The following LYST variants were observed in gnomAD, a reference collection of about 807,000 sequenced individuals.
The protein encoded by LYST is lysosomal trafficking regulator.
LYST carries 192 observed loss-of-function variants against 413.6 expected under a neutral mutation model. The ratio of observed to expected loss-of-function variants is 0.46; its 90% CI spans 0.41 to 0.52. The LOEUF (loss-of-function observed/expected upper bound fraction) is 0.52. Ranked by LOEUF, LYST falls within the 20% of genes least tolerant of loss-of-function variation. The pLI, the probability that LYST is intolerant of heterozygous loss-of-function variation, is 0.00. For missense variants in LYST, 3,815 were observed against 4,499.9 expected (o/e 0.85, Z 4.35); for synonymous variants, 1,525 against 1,567.3 (o/e 0.97, Z 0.64).
intron 22 of LYST, among the ~76,000 whole-genome samples, chr1:235,759,974 T>G (rs1667423120): frequency 6.6e-6 from 1 of 152,148 alleles, no homozygotes; most frequent in Admixed American, 6.6e-5. Context: ...TTTATTAATA[T>G]CTTCCCAAAA....
Position 235,751,888 on chromosome 1 carries a change from C to T in LYST, c.7627+117G>A, listed in dbSNP as rs184498890. ...TTTTAAAAACTGATAGATACTATTA[C>T]AAAATTAATGTTAAACTTTTAGTAA... On this transcript the variant is annotated intron_variant, in intron 27 of 52. Transcript: ENST00000389793. 20 of 808,350 alleles carry T rather than the reference C, an allele frequency of 2.5e-5. No individual in the cohort carries two copies. In the Admixed American group the frequency reaches 3.6e-4, roughly 14 times the overall value. 50.1% of individuals were successfully genotyped at this position (808,350 alleles called of 1,614,324 possible).
At chr1:235,856,154 A>G (rs1441023911) in intron 1 of LYST, among the ~76,000 whole-genome samples, 1 of 152,178 alleles carries the variant, frequency 6.6e-6, no homozygotes, top group African/African-American at 2.4e-5. Context: ...AGTTTCTATC[A>G]CTGTGGTCTA....
chr1:235,806,440 T>C lies in LYST; in HGVS notation c.2696A>G (p.Asn899Ser), dbSNP rs774933834. 4.3e-6 allele frequency: 7 copies of C among 1,614,012 alleles called. No homozygotes were observed. In the East Asian group the frequency reaches 1.3e-4, roughly 31 times the overall value. ...VNQDVHINTINLFLCVAFLCV... is the reference protein window; with the variant it reads ...VNQDVHINTISLFLCVAFLCV... ...TAAAAAAGCCACACAGAGGAATAGG[T>C]TTATTGTGTTGATATGAACATCTTG... The change falls in exon 6 of 53, where the codon AAC becomes AGC. Residue 899 changes from asparagine (N) to serine (S), a missense_variant. Asn to Ser is a conservative substitution (Grantham distance 46, BLOSUM62 1). Coordinates refer to ENST00000389793, the MANE Select transcript of LYST (RefSeq NM_000081.4).
In LYST at chr1:235,752,084, G is replaced by A; in HGVS notation, c.7548C>T (p.Gly2516=). 6.2e-7 allele frequency: 1 copy of A among 1,610,284 alleles called. No homozygotes were observed. Among genetic ancestry groups the A allele is most frequent in the Non-Finnish European group, 8.5e-7 (1 of 1,176,922 alleles). ...CTTCAATAACCCTAAAATATTGTGAGCCTGAGGAACTGCAAGCATGAATTG... is the reference window on the plus strand; with the variant it reads ...CTTCAATAACCCTAAAATATTGTGAACCTGAGGAACTGCAAGCATGAATTG... ...AVTIHACSSS[G]SQYFRVIEDL... The change falls in exon 27 of 53, where the codon GGC becomes GGT. Residue 2516 remains glycine (G), a synonymous_variant. Coordinates refer to ENST00000389793, the MANE Select transcript of LYST (RefSeq NM_000081.4).
chr1:235,786,346 G>A (rs1039808213), intron 14 of LYST, among the ~76,000 whole-genome samples: 21 of 152,150 alleles, frequency 1.4e-4, no homozygotes, highest in Admixed American at 1.3e-4. Context: ...AAACCACAAT[G>A]AGATACCATC....
Position 235,745,060 on chromosome 1 carries a change from C to A in LYST, c.7973-903G>T, listed in dbSNP as rs570620806. Among the ~76,000 whole-genome samples the A allele has an allele frequency of 1.2e-3, 183 of 152,094 alleles. 1 individual carries two copies. The highest frequency in any genetic ancestry group is 4.3e-3 in the African/African-American group (178 of 41,504). On this transcript the variant is annotated intron_variant, in intron 29 of 52. Transcript: ENST00000389793. ...TTTTTAGAATTCCATTTTGACTTAT[C>A]TATAGTGTTTTTTAAAAAACAATCT...
chr1:235,840,813 A>AT (rs945162232), intron 1 of LYST, among the ~76,000 whole-genome samples: 4 of 152,320 alleles, frequency 2.6e-5, no homozygotes, highest in Admixed American at 2.6e-4. Flanking sequence ...TGGTAAGGAT[A>AT]TTTTTTTCTA....
intron 47 of LYST, 130 bp downstream of exon 47, chr1:235,693,220 G>A (rs1184692927): frequency 2.0e-5 from 12 of 603,096 alleles, no homozygotes; most frequent in Non-Finnish European, 3.3e-5. Flanking sequence ...GGGAGGCTGA[G>A]GCAGGAGAAT....
At chr1:235,735,456 T>A (rs1229156322) in intron 31 of LYST, 1 of 152,152 alleles carries the variant, frequency 6.6e-6, no homozygotes, top group African/African-American at 2.4e-5. Context: ...TTACTTAAGA[T>A]AATGACAATT....
Position 235,683,314 on chromosome 1 carries a change from A to G in LYST, c.10800+3635T>C, listed in dbSNP as rs571007616. Reference sequence around the variant, plus strand: ...ATACTACCTTGTATAAGCTGCACACATATTCTTCTGCCACTCTCAAGTTAG... The same window carrying G: ...ATACTACCTTGTATAAGCTGCACACGTATTCTTCTGCCACTCTCAAGTTAG... On this transcript the variant is annotated intron_variant, in intron 48 of 52. Coordinates refer to ENST00000389793, the MANE Select transcript of LYST (RefSeq NM_000081.4). 2.6e-5 allele frequency among the ~76,000 whole-genome samples: 4 copies of G among 152,348 alleles called. No individual in the cohort carries two copies. The East Asian group carries it at 7.7e-4, about 29-fold the overall frequency.
chr1:235,705,963 T>G (rs923133027), intron 44 of LYST, among the ~76,000 whole-genome samples: 1 of 152,084 alleles, frequency 6.6e-6, no homozygotes, highest in African/African-American at 2.4e-5. Context: ...CAGCTAATTT[T>G]TGTATTTTTA....
intron 2 of LYST, among the ~76,000 whole-genome samples, chr1:235,831,841 T>A (rs574640618): frequency 6.6e-6 from 1 of 152,324 alleles, no homozygotes; most frequent in Admixed American, 6.5e-5. Flanking sequence ...AATAACCTAA[T>A]TTATATTCAG....
chr1:235,791,444 C>T (rs1670977903), intron 12 of LYST: 1 of 446,154 alleles, frequency 2.2e-6, no homozygotes, highest in South Asian at 2.1e-5. Flanking sequence ...ACTTTAGGGG[C>T]TGATGACCCC....
At chr1:235,774,356 A>AGGCAAGG (rs1669012025) in intron 18 of LYST, among the ~76,000 whole-genome samples, 1 of 152,218 alleles carries the variant, frequency 6.6e-6, no homozygotes, top group African/African-American at 2.4e-5. Flanking sequence ...GTAGGGGTGG[A>AGGCAAGG]GGCAAGGGTA....
chr1:235,675,464 G>A (rs887599229), intron 50 of LYST, among the ~76,000 whole-genome samples: 17 of 152,098 alleles, frequency 1.1e-4, no homozygotes, highest in Non-Finnish European at 1.5e-5. Context: ...TCTTACGATC[G>A]GTCGGTCGGA....
chr1:235,693,898 A>G (rs1660870460), intron 46 of LYST, among the ~76,000 whole-genome samples: 1 of 152,198 alleles, frequency 6.6e-6, no homozygotes, highest in Admixed American at 6.5e-5. Context: ...TAACACTGCT[A>G]GAGTGGAAGC....
chr1:235,819,317 G>C (rs1674499688), intron 3 of LYST, among the ~76,000 whole-genome samples: 1 of 151,964 alleles, frequency 6.6e-6, no homozygotes, highest in Non-Finnish European at 1.5e-5. Flanking sequence ...TATCCTCTCT[G>C]GTCCCAAAGA....
chr1:235,739,622 G>GA lies in LYST; in HGVS notation c.8358+1799dup, dbSNP rs58295679. Among the ~76,000 whole-genome samples the GA allele has an allele frequency of 1.6e-3, 230 of 140,844 alleles. 1 individual carries two copies. Among genetic ancestry groups the GA allele is most frequent in the Middle Eastern group, 3.7e-3 (1 of 272 alleles). 92.4% of individuals were successfully genotyped at this position (140,844 alleles called of 152,430 possible). On this transcript the variant is annotated intron_variant, in intron 31 of 52. Coordinates refer to ENST00000389793, the MANE Select transcript of LYST (RefSeq NM_000081.4). ...CCTTGAACAGTGAAAAAAAAAAATAGAAAAAAAAAAAAACGTAGTCAAATA... is the reference window on the plus strand; with the variant it reads ...CCTTGAACAGTGAAAAAAAAAAATAGAAAAAAAAAAAAAACGTAGTCAAATA...
chr1:235,801,066 G>A lies in LYST; in HGVS notation c.3744C>T (p.Phe1248=). 1 of 1,612,124 alleles carries A rather than the reference G, an allele frequency of 6.2e-7. No homozygotes were observed. Residue 1248 remains phenylalanine (F), a synonymous_variant, in exon 9 of 53, where the codon TTC becomes TTT. Coordinates refer to ENST00000389793, the MANE Select transcript of LYST (RefSeq NM_000081.4). ...GVDLKSETEG[F]SASSSPNDLL... ...AGTCATTTGGACTGCTTGATGCACT[G>A]AAACCTTCTGTTTCAGACTTTAAGT...
Sources: gnomAD v4.1 joint callset for allele counts (sites outside exome capture counted in the v4.1 genomes callset) on GRCh38, gnomAD v4.1.1 for gene constraint, MANE v1.5 for transcripts, NCBI Gene and HGNC (gene_info 2026-07-23, HGNC 2026-07-21) for gene names.